Variants in ESRRB observed in about 807,000 individuals in gnomAD.
ESRRB encodes estrogen related receptor beta, also known as steroid hormone receptor ERR2.
A neutral mutation model predicts 46.0 loss-of-function variants in ESRRB; 16 were observed. That is an observed-to-expected ratio of 0.35 (90% CI 0.24 to 0.53). The LOEUF (loss-of-function observed/expected upper bound fraction) is 0.53. Ranked by LOEUF, ESRRB falls within the 20% of genes least tolerant of loss-of-function variation. ESRRB has a pLI of 0.93. For synonymous variants in ESRRB, 246 were observed against 259.6 expected (o/e 0.95, Z 0.50); for missense variants, 488 against 607.4 (o/e 0.80, Z 2.07).
intron 1 of ESRRB, among the ~76,000 whole-genome samples, chr14:76,395,420 G>A (rs956378868): frequency 1.3e-5 from 2 of 152,108 alleles, no homozygotes; most frequent in African/African-American, 2.4e-5. Flanking sequence ...CCGGACTCAC[G>A]GCCCACACTA....
rs369382594 is a variant in ESRRB at position 76,498,198 on chromosome 14, G to A, written c.1121-16G>A. On this transcript the variant is annotated splice_polypyrimidine_tract_variant and intron_variant, in intron 6 of 6. Coordinates refer to ENST00000644823, the MANE Select transcript of ESRRB (RefSeq NM_001379180.1). ...TCCCTGGCCAAGCCTGCTAATGCTC[G>A]TCCTTGTGCCTGCAGATTCCATGTA... is the stretch of plus-strand genomic sequence containing the variant. 61 of 1,613,374 alleles carry A rather than the reference G, an allele frequency of 3.8e-5. No individual in the cohort carries two copies. In the East Asian group the frequency reaches 1.1e-3, roughly 28 times the overall value.
intron 1 of ESRRB, among the ~76,000 whole-genome samples, chr14:76,362,027 G>A (rs895740542): frequency 6.6e-6 from 1 of 152,194 alleles, no homozygotes; most frequent in African/African-American, 2.4e-5. Context: ...GTCTGGGGCT[G>A]AGTCTTACCA....
At chr14:76,479,213 C>CTGTT (rs202194118) in intron 3 of ESRRB, among the ~76,000 whole-genome samples, 1 of 134,248 alleles carries the variant, frequency 7.4e-6, no homozygotes, top group Non-Finnish European at 1.6e-5. Flanking sequence ...TCAGCACTGT[C>CTGTT]TGTTTGTGTG....
chr14:76,436,477 T>G (rs1272666571), intron 1 of ESRRB, among the ~76,000 whole-genome samples: 2 of 152,174 alleles, frequency 1.3e-5, no homozygotes, highest in Non-Finnish European at 2.9e-5. Context: ...ATCTGGGAGC[T>G]GTGTTGCTCA....
chr14:76,394,510 T>C (rs1328806301), intron 1 of ESRRB, among the ~76,000 whole-genome samples: 2 of 152,158 alleles, frequency 1.3e-5, no homozygotes, highest in Non-Finnish European at 2.9e-5. Context: ...CCAAAGAGGA[T>C]GCAGCCTTGT....
intron 1 of ESRRB, among the ~76,000 whole-genome samples, chr14:76,425,453 T>A (rs375253742): frequency 2.0e-5 from 3 of 152,052 alleles, no homozygotes; most frequent in African/African-American, 7.2e-5. Context: ...GGATGCCCTT[T>A]GAGGTCCTGG....
chr14:76,404,501 G>A (rs966823252), intron 1 of ESRRB: 2 of 152,440 alleles, frequency 1.3e-5, no homozygotes, highest in Non-Finnish European at 2.9e-5. Context: ...GCCAGACCAT[G>A]GGCTGTGATC....
intron 1 of ESRRB, among the ~76,000 whole-genome samples, chr14:76,395,596 G>A (rs1261074978): frequency 6.6e-6 from 1 of 151,958 alleles, no homozygotes; most frequent in African/African-American, 2.4e-5. Flanking sequence ...CTGAAAAGTG[G>A]GAATAAGAAT....
intron 1 of ESRRB, among the ~76,000 whole-genome samples, chr14:76,413,381 C>T (rs541427041): frequency 1.4e-4 from 21 of 152,348 alleles, no homozygotes; most frequent in South Asian, 4.1e-4. Context: ...ACTCCAGTTC[C>T]TTGGCTGTAT....
intron 3 of ESRRB, among the ~76,000 whole-genome samples, chr14:76,479,483 C>T (rs926489609): frequency 3.3e-5 from 5 of 152,176 alleles, no homozygotes; most frequent in African/African-American, 7.2e-5. Context: ...AAGTCAACAA[C>T]AAATGTCAGT....
intron 1 of ESRRB, among the ~76,000 whole-genome samples, chr14:76,365,070 C>G (rs1340520393): frequency 2.6e-5 from 4 of 152,206 alleles, no homozygotes. Flanking sequence ...CCAAGAATTA[C>G]ATCTCATAGT....
intron 1 of ESRRB, among the ~76,000 whole-genome samples, chr14:76,434,370 A>C (rs1887578490): frequency 6.6e-6 from 1 of 152,168 alleles, no homozygotes; most frequent in Non-Finnish European, 1.5e-5. Context: ...AATAACAGCG[A>C]AGCTGGGGGT....
At chr14:76,458,153 C>G (rs909338532) in intron 2 of ESRRB, among the ~76,000 whole-genome samples, 1 of 152,252 alleles carries the variant, frequency 6.6e-6, no homozygotes, top group East Asian at 1.9e-4. Context: ...TTGGCCATGT[C>G]CCTGTCCTGA....
chr14:76,410,822 CACCCAG>C (rs1034908637), intron 1 of ESRRB, among the ~76,000 whole-genome samples: 25 of 151,964 alleles, frequency 1.6e-4, no homozygotes, highest in African/African-American at 5.8e-4. Flanking sequence ...CTCTCTCTGT[CACCCAG>C]ACTGGAGGGC....
At chr14:76,337,735 G>T (rs1884144102) in intron 1 of ESRRB, among the ~76,000 whole-genome samples, 1 of 152,216 alleles carries the variant, frequency 6.6e-6, no homozygotes, top group African/African-American at 2.4e-5. Context: ...AGGAACTCAT[G>T]AGATCCTGGT....
intron 1 of ESRRB, among the ~76,000 whole-genome samples, chr14:76,345,824 T>G (rs1259162661): frequency 6.6e-6 from 1 of 152,214 alleles, no homozygotes; most frequent in East Asian, 1.9e-4. Context: ...AATTCAGACC[T>G]TCCGGGCTCT....
At chr14:76,408,079 G>A (rs566105887) in intron 1 of ESRRB, among the ~76,000 whole-genome samples, 3 of 152,324 alleles carry the variant, frequency 2.0e-5, no homozygotes, top group African/African-American at 7.2e-5. Context: ...CAGTCTCGGG[G>A]CCCTGAGTCA....
At chr14:76,369,967 G>T (rs1249921595), upstream of ESRRB, among the ~76,000 whole-genome samples, 1 of 152,176 alleles carries the variant, frequency 6.6e-6, no homozygotes, top group Non-Finnish European at 1.5e-5. Flanking sequence ...TCTTTCTGTG[G>T]CCATTGCTGA....
At chr14:76,445,729 G>T (rs1436564701) in intron 2 of ESRRB, among the ~76,000 whole-genome samples, 1 of 146,100 alleles carries the variant, frequency 6.8e-6, no homozygotes, top group Non-Finnish European at 1.5e-5. Flanking sequence ...CTGTCACCCA[G>T]GCTGGAGTTC....
Sources: allele counts gnomAD v4.1 joint callset (sites outside exome capture counted in the v4.1 genomes callset), GRCh38; gene constraint gnomAD v4.1.1; transcripts MANE v1.5; gene names NCBI Gene and HGNC (gene_info 2026-07-23, HGNC 2026-07-21).